YES1: variants seen among roughly 807,000 people sequenced by gnomAD.
The protein encoded by YES1 is YES proto-oncogene 1, Src family tyrosine kinase.
YES1 carries 39 observed loss-of-function variants against 70.4 expected under a neutral mutation model. That is an observed-to-expected ratio of 0.55 (90% CI 0.43 to 0.72). The LOEUF is 0.72. YES1 is among the 30% of genes least tolerant of loss of function. YES1 has a pLI of 0.00. For synonymous variants in YES1, 198 were observed against 218.6 expected (o/e 0.91, Z 0.83); for missense variants, 495 against 644.8 (o/e 0.77, Z 2.52).
chr18:726,687 A>G (rs144246538), intron 11 of YES1, among the ~76,000 whole-genome samples: 1,996 of 143,174 alleles, frequency 0.014, 38 homozygotes, highest in African/African-American at 0.048. Context: ...AGGCTGAGGC[A>G]GGAGAATCAC....
intron 2 of YES1, among the ~76,000 whole-genome samples, chr18:753,238 C>T (rs2080364500): frequency 2.0e-5 from 3 of 152,060 alleles, no homozygotes; most frequent in African/African-American, 7.2e-5. Context: ...AATATATATA[C>T]ATTGTGGAAT....
At chr18:780,491 G>A (rs1905604337) in intron 1 of YES1, among the ~76,000 whole-genome samples, 1 of 152,068 alleles carries the variant, frequency 6.6e-6, no homozygotes, top group Non-Finnish European at 1.5e-5. Context: ...TAAGGATTCT[G>A]TAGACAAGAG....
intron 4 of YES1, among the ~76,000 whole-genome samples, chr18:747,554 CAT>C (rs1348803117): frequency 6.6e-6 from 1 of 152,140 alleles, no homozygotes; most frequent in Non-Finnish European, 1.5e-5. Flanking sequence ...AACACACCCT[CAT>C]ATATAAGCTG....
chr18:771,210 T>C (rs1297674745), intron 1 of YES1, among the ~76,000 whole-genome samples: 1 of 151,812 alleles, frequency 6.6e-6, no homozygotes, highest in East Asian at 1.9e-4. Context: ...CTACTAAAAA[T>C]ACAAAAATAA....
intron 4 of YES1, among the ~76,000 whole-genome samples, chr18:747,682 TAAAAG>T (rs2080296449): frequency 6.6e-6 from 1 of 152,022 alleles, no homozygotes; most frequent in African/African-American, 2.4e-5. Flanking sequence ...AGTGAAAACA[TAAAAG>T]AGAGAGACTA....
chr18:744,546 C>T (rs1026166770), intron 6 of YES1, among the ~76,000 whole-genome samples: 7 of 151,734 alleles, frequency 4.6e-5, no homozygotes, highest in South Asian at 2.1e-4. Context: ...CATGCCACCA[C>T]GCCTGGCTAA....
intron 10 of YES1, among the ~76,000 whole-genome samples, chr18:734,206 G>T (rs998144764): frequency 6.6e-6 from 1 of 151,810 alleles, no homozygotes; most frequent in Non-Finnish European, 1.5e-5. Context: ...TTGAACCTGG[G>T]GGGCAGAGGT....
chr18:724,387 T>C lies in YES1; in HGVS notation c.*37A>G, dbSNP rs368444834. The C allele has an allele frequency of 2.6e-6, 4 of 1,557,224 alleles. No individual in the cohort carries two copies. Among genetic ancestry groups the C allele is most frequent in the Non-Finnish European group, 3.5e-6 (4 of 1,134,664 alleles). ...GAAAATCTACACAAGTTCTTTATAT[T>C]TTGGCAGATTTGTGCATATAAAATA... On this transcript the variant is annotated 3_prime_UTR_variant, in exon 12 of 12. Coordinates refer to ENST00000314574, the MANE Select transcript of YES1 (RefSeq NM_005433.4).
At chr18:788,119 C>T (rs1014836958) in intron 1 of YES1, 2 of 152,208 alleles carry the variant, frequency 1.3e-5, no homozygotes, top group African/African-American at 4.8e-5. Flanking sequence ...TATGAACTTG[C>T]CTCCTTTGGC....
At chr18:806,493 ATTTGT>A (rs1473994498) in intron 1 of YES1, among the ~76,000 whole-genome samples, 1 of 152,230 alleles carries the variant, frequency 6.6e-6, no homozygotes, top group African/African-American at 2.4e-5. Flanking sequence ...TACTCAAAAG[ATTTGT>A]TTTGTTTGCG....
chr18:801,683 A>G (rs1291907979), intron 1 of YES1, among the ~76,000 whole-genome samples: 1 of 152,216 alleles, frequency 6.6e-6, no homozygotes, highest in Non-Finnish European at 1.5e-5. Flanking sequence ...AGTACAAACT[A>G]CATATATATG....
chr18:729,618 A>AC (rs2080063416), intron 11 of YES1, among the ~76,000 whole-genome samples: 1 of 124,480 alleles, frequency 8.0e-6, no homozygotes, highest in Non-Finnish European at 1.7e-5. Flanking sequence ...TTGATTTTGA[A>AC]CTTTTTTTTT....
upstream of YES1, chr18:812,450 T>C (rs1907462984): frequency 6.6e-6 from 1 of 151,598 alleles, no homozygotes; most frequent in Non-Finnish European, 1.5e-5. Flanking sequence ...GCCCCCAGCC[T>C]TCCGGCGCCT....
At chr18:735,168 A>AG (rs2080138173) in intron 10 of YES1, among the ~76,000 whole-genome samples, 1 of 151,736 alleles carries the variant, frequency 6.6e-6, no homozygotes, top group African/African-American at 2.4e-5. Flanking sequence ...AAGCAAAAAA[A>AG]AAAAAATCAT....
intron 1 of YES1, among the ~76,000 whole-genome samples, chr18:762,276 C>T (rs578055149): frequency 5.3e-5 from 8 of 152,214 alleles, no homozygotes; most frequent in Admixed American, 1.3e-4. Flanking sequence ...GCCGAGATTG[C>T]GTCATTGCAC....
chr18:747,803 T>C (rs1161827140), intron 4 of YES1, 117 bp downstream of exon 4: 3 of 801,208 alleles, frequency 3.7e-6, no homozygotes, highest in Non-Finnish European at 5.9e-6. Flanking sequence ...ATATGATACA[T>C]AAGCTGTATT....
chr18:777,771 C>T (rs2145791002), intron 1 of YES1, among the ~76,000 whole-genome samples: 1 of 146,690 alleles, frequency 6.8e-6, no homozygotes, highest in East Asian at 2.0e-4. Flanking sequence ...CACGCCATTA[C>T]ACTCCAGCCT....
At chr18:796,486 T>TA (rs1171277858) in intron 1 of YES1, among the ~76,000 whole-genome samples, 1 of 152,092 alleles carries the variant, frequency 6.6e-6, no homozygotes, top group Non-Finnish European at 1.5e-5. Context: ...AACAAACAAT[T>TA]AGGCCGGGTG....
At chr18:803,059 T>C (rs1023476973) in intron 1 of YES1, among the ~76,000 whole-genome samples, 2 of 152,064 alleles carry the variant, frequency 1.3e-5, no homozygotes, top group African/African-American at 2.4e-5. Context: ...TGAGAAATTT[T>C]GAATTTTAAA....
Sources: allele counts gnomAD v4.1 joint callset (sites outside exome capture counted in the v4.1 genomes callset), GRCh38; gene constraint gnomAD v4.1.1; transcripts MANE v1.5; gene names NCBI Gene and HGNC (gene_info 2026-07-23, HGNC 2026-07-21).